CSMD1: variants seen among roughly 807,000 people sequenced by gnomAD.
CSMD1 encodes the protein CUB and Sushi multiple domains 1.
CSMD1 carries 213 observed loss-of-function variants against 417.5 expected under a neutral mutation model. That is an observed-to-expected ratio of 0.51 (90% CI 0.46 to 0.57). CSMD1 has a LOEUF of 0.57. Ranked by LOEUF, CSMD1 falls within the 20% of genes least tolerant of loss-of-function variation. CSMD1 has a pLI of 0.00. For synonymous variants in CSMD1, 2,862 were observed against 1,736.8 expected (o/e 1.65, Z -16.11); for missense variants, 6,923 against 4,529.7 (o/e 1.53, Z -15.17).
intron 5 of CSMD1, among the ~76,000 whole-genome samples, chr8:3,916,457 C>G (rs911456836): frequency 6.6e-6 from 1 of 152,102 alleles, no homozygotes; most frequent in Non-Finnish European, 1.5e-5. Flanking sequence ...CATGACATTA[C>G]TTATACATAA....
intron 12 of CSMD1, among the ~76,000 whole-genome samples, chr8:3,443,861 T>C (rs1294776716): frequency 6.6e-6 from 1 of 152,210 alleles, no homozygotes; most frequent in Non-Finnish European, 1.5e-5. Flanking sequence ...AATGTTGGTA[T>C]TGCTTTCAAA....
intron 3 of CSMD1, among the ~76,000 whole-genome samples, chr8:4,098,697 G>T (rs1419528432): frequency 6.6e-6 from 1 of 152,160 alleles, no homozygotes; most frequent in Non-Finnish European, 1.5e-5. Context: ...TCTCATCTCT[G>T]TAGCACCTAC....
At chr8:4,103,855 T>A (rs954095670) in intron 3 of CSMD1, among the ~76,000 whole-genome samples, 3 of 152,206 alleles carry the variant, frequency 2.0e-5, no homozygotes, top group African/African-American at 7.2e-5. Flanking sequence ...CTGGCAGCAT[T>A]GTCTGGTGCT....
At chr8:4,138,041 C>T (rs1803539721) in intron 3 of CSMD1, among the ~76,000 whole-genome samples, 2 of 124,542 alleles carry the variant, frequency 1.6e-5, no homozygotes, top group Admixed American at 8.9e-5. Flanking sequence ...CCATGCCCGG[C>T]TAATTTTTTT....
chr8:4,544,073 C>T (rs1255066469), intron 2 of CSMD1, among the ~76,000 whole-genome samples: 2 of 152,138 alleles, frequency 1.3e-5, no homozygotes, highest in African/African-American at 4.8e-5. Flanking sequence ...CAGTCTGTGG[C>T]TTGCCTTTTA....
At chr8:3,014,892 G>T in intron 52 of CSMD1, among the ~76,000 whole-genome samples, 1 of 147,968 alleles carries the variant, frequency 6.8e-6, no homozygotes, top group East Asian at 1.9e-4. Context: ...CTCCAGCCTG[G>T]GTAACACAGT....
chr8:3,195,875 G>T (rs1796677110), intron 33 of CSMD1, among the ~76,000 whole-genome samples: 1 of 152,180 alleles, frequency 6.6e-6, no homozygotes, highest in South Asian at 2.1e-4. Flanking sequence ...ATGTAGTCAT[G>T]GTTCAGACTT....
At chr8:3,443,477 T>G (rs553602632) in intron 12 of CSMD1, among the ~76,000 whole-genome samples, 4 of 152,188 alleles carry the variant, frequency 2.6e-5, no homozygotes, top group Non-Finnish European at 5.9e-5. Context: ...TATCTATATA[T>G]AGAGATATCT....
chr8:3,866,943 A>T (rs750393615), intron 5 of CSMD1, among the ~76,000 whole-genome samples: 14 of 152,208 alleles, frequency 9.2e-5, no homozygotes, highest in African/African-American at 2.4e-5. Context: ...ATGGATTTGT[A>T]AGTACCACCA....
In CSMD1 at chr8:4,078,001, T is replaced by G. The variant is rs140369938; in HGVS notation, c.416-45902A>C. ...CTCCGATTCCTCTTTCATCTCTCAG[T>G]TGGAAAAAAATAGCGCTATTTCAAG... is the stretch of plus-strand genomic sequence containing the variant. On this transcript the variant is annotated intron_variant, in intron 3 of 69. Coordinates refer to ENST00000635120, the MANE Select transcript of CSMD1 (RefSeq NM_033225.6). Among the ~76,000 whole-genome samples, 301 of 152,144 alleles carry G rather than the reference T, an allele frequency of 2.0e-3. 3 individuals carry two copies. The highest frequency in any genetic ancestry group is 7.0e-3 in the African/African-American group (289 of 41,516).
intron 2 of CSMD1, among the ~76,000 whole-genome samples, chr8:4,544,552 A>G (rs531688709): frequency 6.6e-6 from 1 of 152,272 alleles, no homozygotes; most frequent in East Asian, 1.9e-4. Context: ...ATAAGGCTTT[A>G]GAGGACACAG....
chr8:4,953,892 C>T (rs943253648), intron 1 of CSMD1, among the ~76,000 whole-genome samples: 10 of 152,088 alleles, frequency 6.6e-5, no homozygotes, highest in African/African-American at 2.4e-4. Context: ...AGAGATTGGA[C>T]TACCCAGGAG....
chr8:4,258,833 C>T (rs1354613242), intron 3 of CSMD1, among the ~76,000 whole-genome samples: 2 of 152,052 alleles, frequency 1.3e-5, no homozygotes, highest in Non-Finnish European at 1.5e-5. Context: ...AGATCAGGAG[C>T]CCCACTCCTC....
Position 3,239,616 on chromosome 8 carries a change from T to C in CSMD1, c.4154-9385A>G, listed in dbSNP as rs6990792. Among the ~76,000 whole-genome samples the C allele has an allele frequency of 6.9e-3, 1,053 of 152,246 alleles. 14 individuals carry two copies. The highest frequency in any genetic ancestry group is 0.023 in the African/African-American group (948 of 41,548). On this transcript the variant is annotated intron_variant, in intron 26 of 69. Transcript: ENST00000635120. ...AGAAGTAGTAGAATAGCAGATGGAA[T>C]ACTGAGAAGTTATTTCCTTGAGGAT...
intron 38 of CSMD1, among the ~76,000 whole-genome samples, chr8:3,161,413 T>A (rs1400082553): frequency 6.6e-6 from 1 of 152,076 alleles, no homozygotes; most frequent in East Asian, 1.9e-4. Context: ...GGTCAGGAGT[T>A]CGAGACCAGC....
chr8:2,990,978 T>C (rs1023479108), intron 54 of CSMD1, among the ~76,000 whole-genome samples: 2 of 152,218 alleles, frequency 1.3e-5, no homozygotes, highest in Admixed American at 6.5e-5. Context: ...TTCCCTTCAG[T>C]TGTAGATTGC....
rs57960519 is a variant in CSMD1, at chr8:3,288,523, C to A, written c.3951-4177G>T. ...AGATTCAACTTCTTCCTGGTTTAGT[C>A]TTGGCAGGATGTATGTGTCGAAGAA... is the stretch of plus-strand genomic sequence containing the variant. On this transcript the variant is annotated intron_variant, in intron 25 of 69. Transcript: ENST00000635120. Among the ~76,000 whole-genome samples the A allele has an allele frequency of 1.0e-4, 15 of 146,664 alleles. 3 individuals are homozygous for A. Among genetic ancestry groups the A allele is most frequent in the African/African-American group, 4.1e-4 (15 of 36,538 alleles).
intron 4 of CSMD1, among the ~76,000 whole-genome samples, chr8:4,015,084 T>C (rs1026032665): frequency 6.6e-6 from 1 of 152,220 alleles, no homozygotes; most frequent in East Asian, 1.9e-4. Context: ...AATTGTTTAT[T>C]GCAAAGTATG....
At chr8:3,305,610 G>A (rs951664407) in intron 25 of CSMD1, among the ~76,000 whole-genome samples, 2 of 151,802 alleles carry the variant, frequency 1.3e-5, no homozygotes, top group African/African-American at 4.8e-5. Flanking sequence ...CTCATCATCT[G>A]CCAATGCCAT....
Sources: gnomAD v4.1 joint callset for allele counts (sites outside exome capture counted in the v4.1 genomes callset) on GRCh38, gnomAD v4.1.1 for gene constraint, MANE v1.5 for transcripts, NCBI Gene and HGNC (gene_info 2026-07-23, HGNC 2026-07-21) for gene names.